The following MAP3K1 variants were observed in gnomAD, a reference collection of about 807,000 sequenced individuals.
MAP3K1 encodes the protein MAP/ERK kinase kinase 1.
MAP3K1 carries 36 observed loss-of-function variants against 144.2 expected under a neutral mutation model. That is an observed-to-expected ratio of 0.25 (90% CI 0.19 to 0.33). MAP3K1 has a LOEUF of 0.33. MAP3K1 is among the 10% of genes least tolerant of loss of function. MAP3K1 has a pLI of 1.00. For missense variants in MAP3K1, 1,650 were observed against 1,881.9 expected (o/e 0.88, Z 2.28); for synonymous variants, 718 against 688.7 (o/e 1.04, Z -0.67).
chr5:56,830,941 G>C (rs1443747186), intron 1 of MAP3K1, among the ~76,000 whole-genome samples: 1 of 149,222 alleles, frequency 6.7e-6, no homozygotes, highest in Non-Finnish European at 1.5e-5. Flanking sequence ...AATGCACTAT[G>C]AGAGATTGCC....
intron 19 of MAP3K1, among the ~76,000 whole-genome samples, chr5:56,891,716 G>A (rs1004318686): frequency 6.6e-6 from 1 of 152,116 alleles, no homozygotes; most frequent in African/African-American, 2.4e-5. Flanking sequence ...TTTTTATAAG[G>A]TGTAAGGAAG....
Position 56,895,994 on chromosome 5 carries a change from A to G in MAP3K1, c.*2314A>G. 4.4e-6 allele frequency: 1 copy of G among 227,528 alleles called. No homozygotes were observed. The highest frequency in any genetic ancestry group is 8.7e-6 in the Non-Finnish European group (1 of 115,100). 14.1% of individuals were successfully genotyped at this position (227,528 alleles called of 1,614,324 possible). On this transcript the variant is annotated 3_prime_UTR_variant, in exon 20 of 20. Transcript: ENST00000399503. ...AATGTTACAAAAAAAAAAAAAAAAA[A>G]TCTCTGGGTTAAGAAAATTTGGCTT...
intron 1 of MAP3K1, among the ~76,000 whole-genome samples, chr5:56,819,196 T>C (rs1746077134): frequency 1.3e-5 from 2 of 152,182 alleles, no homozygotes; most frequent in South Asian, 2.1e-4. Context: ...TCTTTTCATA[T>C]CTGATTTTGG....
intron 1 of MAP3K1, among the ~76,000 whole-genome samples, chr5:56,839,216 A>G (rs931030610): frequency 6.6e-6 from 1 of 152,360 alleles, no homozygotes; most frequent in Admixed American, 6.5e-5. Flanking sequence ...ACACACCAGT[A>G]TCCGAATTAA....
intron 1 of MAP3K1, among the ~76,000 whole-genome samples, chr5:56,840,395 G>T (rs529523230): frequency 6.6e-6 from 1 of 152,258 alleles, no homozygotes; most frequent in South Asian, 2.1e-4. Flanking sequence ...TGTTCTACCC[G>T]CCTCGGCCTC....
intron 1 of MAP3K1, among the ~76,000 whole-genome samples, chr5:56,855,142 T>C (rs201651186): frequency 8.0e-6 from 1 of 124,250 alleles, no homozygotes; most frequent in Non-Finnish European, 1.8e-5. Flanking sequence ...CCTCCTTTCT[T>C]CTCTGCCTTC....
At chr5:56,892,483 A>G (rs567585751) in intron 19 of MAP3K1, among the ~76,000 whole-genome samples, 2 of 152,374 alleles carry the variant, frequency 1.3e-5, no homozygotes, top group East Asian at 1.9e-4. Context: ...AAAAAAATTG[A>G]TAACAATTAT....
chr5:56,816,550 A>T (rs532046035), intron 1 of MAP3K1, among the ~76,000 whole-genome samples: 44 of 152,058 alleles, frequency 2.9e-4, no homozygotes, highest in African/African-American at 1.0e-3. Flanking sequence ...GAGAGGACCG[A>T]AGAGAAAGTA....
At chr5:56,883,302 T>C (rs947977683) in intron 14 of MAP3K1, among the ~76,000 whole-genome samples, 1 of 152,248 alleles carries the variant, frequency 6.6e-6, no homozygotes, top group African/African-American at 2.4e-5. Flanking sequence ...ACAATAATGT[T>C]TGTACTGTTT....
At chr5:56,851,293 A>G (rs1295666433) in intron 1 of MAP3K1, among the ~76,000 whole-genome samples, 1 of 152,184 alleles carries the variant, frequency 6.6e-6, no homozygotes, top group African/African-American at 2.4e-5. Flanking sequence ...TGTGCCAGGC[A>G]TTGTGCAGAA....
intron 2 of MAP3K1, among the ~76,000 whole-genome samples, chr5:56,858,889 G>A (rs1747416034): frequency 1.3e-5 from 2 of 151,220 alleles, no homozygotes; most frequent in Non-Finnish European, 2.9e-5. Context: ...TAAAATAGGA[G>A]GAGAGTGAGT....
rs141266126 is a variant in MAP3K1 at position 56,872,161 on chromosome 5, A to G, written c.1423+130A>G. 14 of 1,204,262 alleles carry G rather than the reference A, an allele frequency of 1.2e-5. No individual in the cohort carries two copies. The East Asian group carries it at 3.5e-4, about 30-fold the overall frequency. The allele number at this position is 1,204,262 out of a possible 1,614,324, so 74.6% of individuals were successfully genotyped here. ...ATAAAAAAAGTATATCTAAGTCCTA[A>G]GTCCTATGTGAAAAGTTTTCAACAA... On this transcript the variant is annotated intron_variant, in intron 7 of 19. Transcript: ENST00000399503.
chr5:56,843,330 CT>C (rs1178733070), intron 1 of MAP3K1, among the ~76,000 whole-genome samples: 1 of 152,198 alleles, frequency 6.6e-6, no homozygotes, highest in Non-Finnish European at 1.5e-5. Flanking sequence ...GCCTCGCCCC[CT>C]CGGACCTGCT....
intron 1 of MAP3K1, among the ~76,000 whole-genome samples, chr5:56,849,223 G>C (rs1456013795): frequency 6.6e-6 from 1 of 152,046 alleles, no homozygotes; most frequent in African/African-American, 2.4e-5. Flanking sequence ...GGTGGCTTGT[G>C]CCTGTGGTCC....
At chr5:56,845,765 C>T (rs1437354936) in intron 1 of MAP3K1, among the ~76,000 whole-genome samples, 1 of 152,054 alleles carries the variant, frequency 6.6e-6, no homozygotes, top group Non-Finnish European at 1.5e-5. Context: ...GTACCAAGGA[C>T]ACAACAAAGG....
Position 56,888,248 on chromosome 5 carries a change from G to C in MAP3K1, c.4280G>C (p.Gly1427Ala). Residue 1427 changes from glycine (G) to alanine (A), a missense_variant, in exon 19 of 20, where the codon GGA (glycine) becomes GCA (alanine). Gly to Ala is a moderately conservative substitution (Grantham distance 60). Around this residue, in one of 6 missense-constraint regions of MAP3K1, gnomAD observed 165 missense variants for 322.9 expected, o/e 0.51. Transcript: ENST00000399503. Reference sequence around the variant, plus strand: ...TAGGTACTAAGAGGTCAACAGTATGGAAGGAGCTGTGATGTATGGAGTGTT... The same window carrying C: ...TAGGTACTAAGAGGTCAACAGTATGCAAGGAGCTGTGATGTATGGAGTGTT... The part of the protein sequence containing the change: ...APEVLRGQQY[G>A]RSCDVWSVGC... 3.1e-6 allele frequency: 5 copies of C among 1,613,880 alleles called. No homozygotes were observed. The highest frequency in any genetic ancestry group is 4.2e-6 in the Non-Finnish European group (5 of 1,179,782).
chr5:56,844,587 CTG>C (rs916591983), intron 1 of MAP3K1, among the ~76,000 whole-genome samples: 11 of 152,112 alleles, frequency 7.2e-5, no homozygotes, highest in African/African-American at 2.4e-4. Context: ...ATCACCTCCT[CTG>C]TGGATCTTTT....
intron 3 of MAP3K1, among the ~76,000 whole-genome samples, chr5:56,862,512 T>G (rs1747546683): frequency 6.6e-6 from 1 of 152,192 alleles, no homozygotes; most frequent in South Asian, 2.1e-4. Flanking sequence ...TGGGCATATA[T>G]GCTAGACAAA....
rs747917237 is a variant in MAP3K1 at position 56,895,662 on chromosome 5, G to C, written c.*1982G>C. ...CAGTTCCCTCAGCTTGCTGGTAATT[G>C]TGGTGTTTTGTTTTTTGTTTTGTTT... On this transcript the variant is annotated 3_prime_UTR_variant, in exon 20 of 20. Transcript: ENST00000399503. The C allele has an allele frequency of 4.7e-5, 11 of 232,302 alleles. No individual in the cohort carries two copies. The highest frequency in any genetic ancestry group is 7.7e-5 in the Non-Finnish European group (9 of 117,596). The allele number at this position is 232,302 out of a possible 1,614,324, so 14.4% of individuals were successfully genotyped here.
Sources: allele counts gnomAD v4.1 joint callset (sites outside exome capture counted in the v4.1 genomes callset), GRCh38; gene constraint gnomAD v4.1.1; regional missense constraint gnomAD v4.1.1; transcripts MANE v1.5; gene names NCBI Gene and HGNC (gene_info 2026-07-23, HGNC 2026-07-21).